The following RARB variants were observed in gnomAD, a reference collection of about 807,000 sequenced individuals.
The protein encoded by RARB is HBV-activated protein.
RARB carries 17 observed loss-of-function variants against 51.9 expected under a neutral mutation model. The observed-to-expected ratio is 0.33, with a 90% CI of 0.22 to 0.49. RARB has a LOEUF of 0.49. Ranked by LOEUF, RARB falls within the 20% of genes least tolerant of loss-of-function variation. The probability of loss-of-function intolerance (pLI) is 0.99; values close to 1 mark genes in which losing one functional copy is unlikely to be tolerated. For missense variants in RARB, 369 were observed against 550.8 expected, an observed-to-expected ratio of 0.67 and a Z score of 3.30; for synonymous variants, 215 against 195.4, an observed-to-expected ratio of 1.10 and a Z score of -0.84.
At chr3:25,549,430 C>G (rs1226555608) in intron 3 of RARB, among the ~76,000 whole-genome samples, 6 of 152,106 alleles carry the variant, frequency 3.9e-5, no homozygotes, top group Non-Finnish European at 8.8e-5. Flanking sequence ...CTGATTCAGA[C>G]TCGGCCAAAT....
At chr3:25,080,974 C>T (rs1698982688) in intron 3 of RARB, among the ~76,000 whole-genome samples, 1 of 151,730 alleles carries the variant, frequency 6.6e-6, no homozygotes, top group Non-Finnish European at 1.5e-5. Context: ...CTGTATTTTG[C>T]TTGCCTTTTT....
At chr3:25,437,336 C>T (rs758310384) in intron 1 of RARB, among the ~76,000 whole-genome samples, 1 of 152,142 alleles carries the variant, frequency 6.6e-6, no homozygotes, top group Non-Finnish European at 1.5e-5. Context: ...TGTCACAATA[C>T]ACTTAGCCCA....
At chr3:25,021,094 G>C (rs530534587) in intron 2 of RARB, among the ~76,000 whole-genome samples, 24 of 152,216 alleles carry the variant, frequency 1.6e-4, no homozygotes, top group Non-Finnish European at 1.0e-4. Flanking sequence ...TTATGAAAAT[G>C]TAGTTCTCTT....
intron 5 of RARB, among the ~76,000 whole-genome samples, chr3:25,309,230 T>G (rs1704226840): frequency 7.6e-6 from 1 of 132,210 alleles, no homozygotes; most frequent in Non-Finnish European, 1.6e-5. Flanking sequence ...AAGCTCCACC[T>G]CCCAGGTTCA....
At chr3:24,916,032 C>A (rs534184505) in intron 2 of RARB, among the ~76,000 whole-genome samples, 2 of 151,950 alleles carry the variant, frequency 1.3e-5, no homozygotes, top group African/African-American at 4.8e-5. Context: ...AAAAGCCTTA[C>A]GGAAATTGAC....
In RARB at chr3:25,105,438, A is replaced by G. The variant is rs942008461; in HGVS notation, c.-327-26723A>G. 4.4e-5 allele frequency among the ~76,000 whole-genome samples: 6 copies of G among 137,258 alleles called. No homozygotes were observed. In the East Asian group the frequency reaches 1.1e-3, roughly 25 times the overall value. 90.0% of individuals were successfully genotyped at this position (137,258 alleles called of 152,430 possible). On this transcript the variant is annotated intron_variant, in intron 3 of 11. Transcript: ENST00000383772. The stretch of plus-strand genomic sequence containing the variant: ...ATACATGTGCAAAAAAAAAAAAAAA[A>G]AAGAAGATTTGTGGTGCCATAAAGG...
intron 5 of RARB, among the ~76,000 whole-genome samples, chr3:25,378,904 A>G (rs1706545736): frequency 6.6e-6 from 1 of 152,258 alleles, no homozygotes; most frequent in Admixed American, 6.5e-5. Context: ...ACATAATATC[A>G]GACAAAAGGG....
At chr3:25,504,784 T>G (rs1233838140) in intron 3 of RARB, among the ~76,000 whole-genome samples, 164 of 146,566 alleles carry the variant, frequency 1.1e-3, no homozygotes, top group Non-Finnish European at 1.9e-3. Flanking sequence ...TTTTTTTTTT[T>G]TTTTTTTGTG....
chr3:25,413,763 C>G (rs1205311893), intron 5 of RARB, among the ~76,000 whole-genome samples: 1 of 152,134 alleles, frequency 6.6e-6, no homozygotes, highest in Non-Finnish European at 1.5e-5. Flanking sequence ...AGTTGATCAT[C>G]TTTGCAACCA....
At chr3:25,551,041 T>C (rs1428638244) in intron 3 of RARB, among the ~76,000 whole-genome samples, 1 of 152,164 alleles carries the variant, frequency 6.6e-6, no homozygotes, top group Non-Finnish European at 1.5e-5. Context: ...GAACTGACTG[T>C]TTTAAGGGGT....
At chr3:25,188,381 G>T (rs1701024100) in intron 5 of RARB, among the ~76,000 whole-genome samples, 1 of 151,986 alleles carries the variant, frequency 6.6e-6, no homozygotes. Flanking sequence ...CCTTTTATTG[G>T]GTTAATTCAA....
At chr3:24,964,354 T>C (rs537237041) in intron 2 of RARB, among the ~76,000 whole-genome samples, 5 of 152,162 alleles carry the variant, frequency 3.3e-5, no homozygotes, top group Admixed American at 6.5e-5. Context: ...AGAAATATCC[T>C]CTTTTTTTTC....
intron 3 of RARB, among the ~76,000 whole-genome samples, chr3:25,108,146 A>G (rs987672098): frequency 6.6e-6 from 1 of 152,218 alleles, no homozygotes; most frequent in Non-Finnish European, 1.5e-5. Flanking sequence ...AGATGGCACA[A>G]GATTTCCACA....
chr3:25,289,261 T>G (rs961526461), intron 5 of RARB, among the ~76,000 whole-genome samples: 1 of 152,222 alleles, frequency 6.6e-6, no homozygotes, highest in Non-Finnish European at 1.5e-5. Flanking sequence ...ACGGGGATGC[T>G]GTGAGGTTGA....
At chr3:25,545,063 GT>G (rs1559460529) in intron 3 of RARB, among the ~76,000 whole-genome samples, 1 of 152,146 alleles carries the variant, frequency 6.6e-6, no homozygotes, top group Non-Finnish European at 1.5e-5. Context: ...CCAGGTTCAG[GT>G]GATCCGCCTG....
At chr3:25,285,487 C>T (rs1464125186) in intron 5 of RARB, among the ~76,000 whole-genome samples, 1 of 152,122 alleles carries the variant, frequency 6.6e-6, no homozygotes, top group Non-Finnish European at 1.5e-5. Context: ...ATGATCACTT[C>T]AGAAAGGTAA....
At position 25,446,457 on chromosome 3, in the gene RARB, C is replaced by T. The variant is rs572839293; in HGVS notation, c.158-14736C>T. On this transcript the variant is annotated intron_variant, in intron 1 of 7. Transcript: ENST00000330688. ...ACAGAGACCAGACAGCCCACAAAGCCTAAAGTATTTCCTATCTGACCATTT... is the reference window on the plus strand; with the variant it reads ...ACAGAGACCAGACAGCCCACAAAGCTTAAAGTATTTCCTATCTGACCATTT... 1.4e-3 allele frequency among the ~76,000 whole-genome samples: 208 copies of T among 152,292 alleles called. 2 individuals are homozygous for T. The highest frequency in any genetic ancestry group is 4.6e-3 in the African/African-American group (191 of 41,566).
At chr3:25,447,806 A>G (rs1249947231) in intron 1 of RARB, among the ~76,000 whole-genome samples, 3 of 152,092 alleles carry the variant, frequency 2.0e-5, no homozygotes, top group African/African-American at 2.4e-5. Flanking sequence ...CTTTCCTCAC[A>G]TTAGTTTTTA....
At chr3:25,596,046 CA>C (rs1291179075) in intron 7 of RARB, among the ~76,000 whole-genome samples, 1 of 152,158 alleles carries the variant, frequency 6.6e-6, no homozygotes, top group African/African-American at 2.4e-5. Context: ...TCAAAAGGAG[CA>C]ATTGTATCAG....
Sources: allele counts gnomAD v4.1 joint callset (sites outside exome capture counted in the v4.1 genomes callset), GRCh38; gene constraint gnomAD v4.1.1; transcripts MANE v1.5; gene names NCBI Gene and HGNC (gene_info 2026-07-23, HGNC 2026-07-21).